MYO18B: variants seen among roughly 807,000 people sequenced by gnomAD.
MYO18B encodes the protein myosin XVIIIB, also known as unconventional myosin-XVIIIb.
MYO18B carries 204 observed loss-of-function variants against 273.0 expected under a neutral mutation model. The observed-to-expected ratio is 0.75, with a 90% confidence interval of 0.67 to 0.84. The LOEUF (loss-of-function observed/expected upper bound fraction) is 0.84, where lower values mean the gene tolerates loss of function less well. Ranked by LOEUF, MYO18B falls within the 40% of genes least tolerant of loss-of-function variation. MYO18B has a pLI of 0.00. For synonymous variants in MYO18B, 1,330 were observed against 1,305.7 expected (o/e 1.02, Z -0.40); for missense variants, 3,212 against 3,287.6 (o/e 0.98, Z 0.56).
At chr22:25,873,781 G>T (rs1170905464) in intron 22 of MYO18B, among the ~76,000 whole-genome samples, 7 of 152,182 alleles carry the variant, frequency 4.6e-5, no homozygotes, top group Non-Finnish European at 7.3e-5. Flanking sequence ...TCAGATTGCT[G>T]TGGGTGCTTA....
intron 17 of MYO18B, among the ~76,000 whole-genome samples, chr22:25,838,759 G>A (rs1007324529): frequency 2.0e-5 from 3 of 152,060 alleles, no homozygotes; most frequent in African/African-American, 4.8e-5. Flanking sequence ...CACAAGGACC[G>A]AATCACCTAA....
chr22:25,832,385 A>C (rs986321239), intron 15 of MYO18B, among the ~76,000 whole-genome samples: 1 of 152,192 alleles, frequency 6.6e-6, no homozygotes, highest in Non-Finnish European at 1.5e-5. Flanking sequence ...ATGGACAAGC[A>C]AAATGAGATA....
intron 34 of MYO18B, among the ~76,000 whole-genome samples, chr22:25,923,906 C>A (rs529831071): frequency 6.6e-6 from 1 of 152,018 alleles, no homozygotes; most frequent in South Asian, 2.1e-4. Context: ...GAGAATTCTC[C>A]CTCTGCAGGG....
chr22:25,845,396 A>C, intron 18 of MYO18B, among the ~76,000 whole-genome samples: 1 of 152,186 alleles, frequency 6.6e-6, no homozygotes, highest in East Asian at 1.9e-4. Flanking sequence ...GTGTGCCTAT[A>C]GTCCCAGCTA....
intron 6 of MYO18B, among the ~76,000 whole-genome samples, chr22:25,771,896 C>T (rs1014406594): frequency 2.6e-5 from 4 of 152,190 alleles, no homozygotes; most frequent in Non-Finnish European, 5.9e-5. Flanking sequence ...GGTGGTTTGG[C>T]CATTGGCCTC....
intron 39 of MYO18B, among the ~76,000 whole-genome samples, chr22:25,967,584 G>T (rs528027535): frequency 2.0e-5 from 3 of 152,134 alleles, no homozygotes; most frequent in African/African-American, 4.8e-5. Context: ...AAGCGAAATG[G>T]TTTTTTTGGG....
chr22:25,878,470 A>T (rs1156944376), intron 25 of MYO18B, among the ~76,000 whole-genome samples: 2 of 152,236 alleles, frequency 1.3e-5, no homozygotes, highest in African/African-American at 4.8e-5. Context: ...TATCCAGAAC[A>T]TGTAAAGAGC....
At chr22:25,804,298 G>A (rs1315123099) in intron 12 of MYO18B, among the ~76,000 whole-genome samples, 1 of 152,172 alleles carries the variant, frequency 6.6e-6, no homozygotes, top group African/African-American at 2.4e-5. Flanking sequence ...GTTGCTCAGA[G>A]GCAAGCTAAG....
chr22:25,920,992 A>G (rs2092331922), intron 33 of MYO18B, among the ~76,000 whole-genome samples: 1 of 152,216 alleles, frequency 6.6e-6, no homozygotes, highest in South Asian at 2.1e-4. Flanking sequence ...CAGCAATGAT[A>G]GTAACTCATA....
intron 21 of MYO18B, 78 bp downstream of exon 21, chr22:25,851,657 C>A: frequency 1.9e-6 from 2 of 1,074,786 alleles, no homozygotes; most frequent in Non-Finnish European, 2.8e-6. Flanking sequence ...CAAGGCTGGG[C>A]ACGGTGAGTG....
chr22:26,008,687 T>G (rs957209823), intron 42 of MYO18B, among the ~76,000 whole-genome samples: 2 of 152,188 alleles, frequency 1.3e-5, no homozygotes, highest in Admixed American at 1.3e-4. Context: ...GTTTATGGGC[T>G]GGATGGTGGC....
chr22:25,894,014 A>T (rs1339349559), intron 27 of MYO18B, among the ~76,000 whole-genome samples: 1 of 152,104 alleles, frequency 6.6e-6, no homozygotes, highest in African/African-American at 2.4e-5. Context: ...ATCTAGTCAA[A>T]CGTCCTATCC....
chr22:25,849,588 G>C (rs1204446308), intron 20 of MYO18B, among the ~76,000 whole-genome samples: 1 of 152,018 alleles, frequency 6.6e-6, no homozygotes, highest in East Asian at 1.9e-4. Context: ...GATCATTTTT[G>C]CTGTGCTAAA....
At chr22:25,990,722 A>G (rs537116812) in intron 39 of MYO18B, among the ~76,000 whole-genome samples, 1,873 of 39,206 alleles carry the variant, frequency 0.048, 278 homozygotes, top group African/African-American at 0.27. Flanking sequence ...AAAAAAAAAG[A>G]AAAAGAAAAA....
intron 6 of MYO18B, among the ~76,000 whole-genome samples, chr22:25,772,074 C>G (rs1379383346): frequency 1.3e-5 from 2 of 152,230 alleles, no homozygotes; most frequent in African/African-American, 2.4e-5. Context: ...AGCGTCTCCC[C>G]TCATGGTGCA....
chr22:25,995,524 C>T (rs1933145344), intron 40 of MYO18B, among the ~76,000 whole-genome samples: 2 of 152,044 alleles, frequency 1.3e-5, no homozygotes, highest in African/African-American at 4.8e-5. Flanking sequence ...AATATATATG[C>T]CTACTATGTA....
intron 1 of MYO18B, among the ~76,000 whole-genome samples, chr22:25,755,310 G>A (rs1036819318): frequency 6.6e-6 from 1 of 152,068 alleles, no homozygotes; most frequent in African/African-American, 2.4e-5. Context: ...AGGTTCAAGC[G>A]ATTCTCCTGC....
intron 40 of MYO18B, among the ~76,000 whole-genome samples, chr22:25,993,147 C>T (rs1026634405): frequency 6.6e-6 from 1 of 152,124 alleles, no homozygotes; most frequent in Non-Finnish European, 1.5e-5. Flanking sequence ...GCTTGAATCT[C>T]AAGCTACTGC....
In MYO18B at chr22:25,797,888, G is replaced by A. The variant is rs1266551008; in HGVS notation, c.2377-65G>A. 6 of 1,610,800 alleles carry A rather than the reference G, an allele frequency of 3.7e-6. No homozygotes were observed. The Admixed American group carries it at 1.0e-4, about 27-fold the overall frequency. On this transcript the variant is annotated intron_variant, in intron 11 of 43. Coordinates refer to ENST00000335473, the MANE Select transcript of MYO18B (RefSeq NM_032608.7). ...CCTTCGAGACGGAGCTCAGCTTCAAGTTGTGAGCTTGTGTTTTCTCCATCG... is the reference window on the plus strand; with the variant it reads ...CCTTCGAGACGGAGCTCAGCTTCAAATTGTGAGCTTGTGTTTTCTCCATCG...
Sources: gnomAD v4.1 joint callset for allele counts (sites outside exome capture counted in the v4.1 genomes callset) on GRCh38, gnomAD v4.1.1 for gene constraint, MANE v1.5 for transcripts, NCBI Gene and HGNC (gene_info 2026-07-23, HGNC 2026-07-21) for gene names.